Variants in GRIK4 observed in about 807,000 individuals in gnomAD.
GRIK4 encodes the protein glutamate receptor ionotropic, kainate 4.
In GRIK4, 40 loss-of-function variants were observed where a neutral mutation model predicts 104.9. The observed-to-expected ratio is 0.38, with a 90% CI of 0.30 to 0.50. The LOEUF is 0.50. GRIK4 is among the 20% of genes least tolerant of loss of function. The pLI is 0.93. For missense variants in GRIK4, 1,047 were observed against 1,308.1 expected (o/e 0.80, Z 3.08); for synonymous variants, 485 against 524.9 (o/e 0.92, Z 1.04).
chr11:120,839,262 C>G (rs1197678761), intron 8 of GRIK4, among the ~76,000 whole-genome samples: 1 of 152,196 alleles, frequency 6.6e-6, no homozygotes, highest in African/African-American at 2.4e-5. Context: ...CTGAATTCTG[C>G]TACAGTGATG....
intron 13 of GRIK4, among the ~76,000 whole-genome samples, chr11:120,935,272 G>T (rs959260301): frequency 6.6e-6 from 1 of 152,202 alleles, no homozygotes; most frequent in African/African-American, 2.4e-5. Flanking sequence ...AGTGACAAGA[G>T]TCAGGGCTGC....
intron 1 of GRIK4, among the ~76,000 whole-genome samples, chr11:120,649,859 C>A (rs1243636100): frequency 6.6e-6 from 1 of 152,242 alleles, no homozygotes; most frequent in East Asian, 1.9e-4. Flanking sequence ...CTCTCCTGCT[C>A]ATTTGATTCC....
chr11:120,987,405 G>A lies in GRIK4; in HGVS notation c.*1145G>A, dbSNP rs1489206743. The A allele has an allele frequency of 6.6e-6, 1 of 152,238 alleles. No individual in the cohort carries two copies. The highest frequency in any genetic ancestry group is 1.5e-5 in the Non-Finnish European group (1 of 68,082). The allele number at this position is 152,238 out of a possible 1,614,324, so 9.4% of individuals were successfully genotyped here. ...GACCCCCAAGACTATCATGGATTGG[G>A]TGGTTTCTTGCTACTTAGACGTGAG... On this transcript the variant is annotated 3_prime_UTR_variant, in exon 21 of 21. Coordinates refer to ENST00000527524, the MANE Select transcript of GRIK4 (RefSeq NM_014619.5).
intron 3 of GRIK4, among the ~76,000 whole-genome samples, chr11:120,698,879 A>G (rs1180947553): frequency 1.3e-5 from 2 of 152,228 alleles, no homozygotes; most frequent in Non-Finnish European, 2.9e-5. Context: ...TTTTTGGTGC[A>G]TTAGATTAAT....
intron 19 of GRIK4, among the ~76,000 whole-genome samples, chr11:120,980,073 T>C (rs933174744): frequency 3.9e-5 from 6 of 152,170 alleles, no homozygotes; most frequent in African/African-American, 1.4e-4. Context: ...TGACATCAAG[T>C]GATCTGCCTG....
chr11:120,590,716 G>GA (rs1214037154), intron 1 of GRIK4, among the ~76,000 whole-genome samples: 1 of 152,174 alleles, frequency 6.6e-6, no homozygotes, highest in Non-Finnish European at 1.5e-5. Flanking sequence ...AGGCCCCTCA[G>GA]AAGCAGCTTC....
chr11:120,921,864 A>G (rs940227383), intron 13 of GRIK4, among the ~76,000 whole-genome samples: 4 of 152,186 alleles, frequency 2.6e-5, no homozygotes, highest in East Asian at 1.9e-4. Flanking sequence ...CTAACTGGGT[A>G]TCGGTGCAGC....
intron 1 of GRIK4, among the ~76,000 whole-genome samples, chr11:120,595,279 A>G (rs1948787209): frequency 6.6e-6 from 1 of 152,100 alleles, no homozygotes; most frequent in Admixed American, 6.5e-5. Flanking sequence ...CTTTTCACAC[A>G]TCCTTTAAGT....
chr11:120,893,623 C>T lies in GRIK4; in HGVS notation c.1165-4909C>T, dbSNP rs114512794. Among the ~76,000 whole-genome samples, 634 of 152,310 alleles carry T rather than the reference C, an allele frequency of 4.2e-3. 6 individuals carry two copies. The highest frequency in any genetic ancestry group is 0.015 in the African/African-American group (617 of 41,564). ...CAGCACAGAGCCCCTGTGAGTATGG[C>T]GGGCACCAGTCATGTGCTAGAGCTG... On this transcript the variant is annotated intron_variant, in intron 11 of 20. Transcript: ENST00000527524.
At chr11:120,896,778 G>A (rs1294629464) in intron 11 of GRIK4, among the ~76,000 whole-genome samples, 5 of 152,228 alleles carry the variant, frequency 3.3e-5, no homozygotes, top group Non-Finnish European at 5.9e-5. Flanking sequence ...CCAGTTCTGC[G>A]GAATAGAACC....
intron 3 of GRIK4, among the ~76,000 whole-genome samples, chr11:120,762,956 C>T (rs1180868869): frequency 1.3e-5 from 2 of 152,152 alleles, no homozygotes; most frequent in African/African-American, 2.4e-5. Flanking sequence ...ATGCTGGGCT[C>T]ATAAAATGAG....
intron 13 of GRIK4, among the ~76,000 whole-genome samples, chr11:120,915,154 C>T (rs931771072): frequency 1.3e-5 from 2 of 152,102 alleles, no homozygotes; most frequent in African/African-American, 4.8e-5. Flanking sequence ...CTGCATGCAA[C>T]CCACTGAGAC....
At chr11:120,621,736 G>C (rs1591746236) in intron 1 of GRIK4, among the ~76,000 whole-genome samples, 1 of 152,094 alleles carries the variant, frequency 6.6e-6, no homozygotes, top group South Asian at 2.1e-4. Context: ...TTTCTAAAGT[G>C]AAGGCACTTA....
chr11:120,683,601 G>C (rs1316771347), intron 3 of GRIK4, among the ~76,000 whole-genome samples: 8 of 151,920 alleles, frequency 5.3e-5, no homozygotes, highest in Admixed American at 5.2e-4. Flanking sequence ...GGGAGAGAAT[G>C]TCTGGAAAGT....
chr11:120,957,931 C>T (rs546473116), intron 16 of GRIK4, among the ~76,000 whole-genome samples: 1 of 152,280 alleles, frequency 6.6e-6, no homozygotes, highest in East Asian at 1.9e-4. Context: ...AAATGTAGCA[C>T]GATTTAAACC....
intron 9 of GRIK4, chr11:120,868,813 C>G (rs1014440518): frequency 6.6e-6 from 1 of 152,230 alleles, no homozygotes; most frequent in Non-Finnish European, 1.5e-5. Flanking sequence ...TCTCGATCTC[C>G]TGACCTCGTG....
intron 3 of GRIK4, among the ~76,000 whole-genome samples, chr11:120,668,901 G>A (rs989625136): frequency 2.0e-5 from 3 of 152,186 alleles, no homozygotes. Context: ...AATTCAATAA[G>A]TTCCTGCATA....
chr11:120,592,356 C>T (rs1573789), intron 1 of GRIK4, among the ~76,000 whole-genome samples: 42,628 of 152,132 alleles, frequency 0.28, 7,750 homozygotes, highest in Non-Finnish European at 0.41. Context: ...AGATGGCCGC[C>T]GTCCTACGAT....
At chr11:120,552,212 C>T (rs995030831) in intron 1 of GRIK4, among the ~76,000 whole-genome samples, 1 of 152,158 alleles carries the variant, frequency 6.6e-6, no homozygotes, top group African/African-American at 2.4e-5. Context: ...CCAGTGGGAT[C>T]TGAGTTTATC....
Sources: allele counts gnomAD v4.1 joint callset (sites outside exome capture counted in the v4.1 genomes callset), GRCh38; gene constraint gnomAD v4.1.1; transcripts MANE v1.5; gene names NCBI Gene and HGNC (gene_info 2026-07-23, HGNC 2026-07-21).